Variants in COL23A1 observed in about 807,000 individuals in gnomAD.
The protein encoded by COL23A1 is collagen alpha-1(XXIII) chain.
In COL23A1, 97 loss-of-function variants were observed where a neutral mutation model predicts 99.3. The ratio of observed to expected loss-of-function variants is 0.98; its 90% CI spans 0.83 to 1.16. The LOEUF is 1.16. Among genes scored for constraint, COL23A1 ranks in the 50% most tolerant of loss-of-function variants. COL23A1 has a pLI of 0.00. For synonymous variants in COL23A1, 320 were observed against 308.2 expected, an observed-to-expected ratio of 1.04 and a Z score of -0.40; for missense variants, 762 against 757.4, an observed-to-expected ratio of 1.01 and a Z score of -0.07.
intron 2 of COL23A1, among the ~76,000 whole-genome samples, chr5:178,406,772 C>T (rs1174192457): frequency 2.0e-5 from 3 of 152,058 alleles, no homozygotes; most frequent in African/African-American, 2.4e-5. Flanking sequence ...TTGGGATTCA[C>T]GTGGAGAAAA....
At chr5:178,302,886 A>G (rs1424519792) in intron 3 of COL23A1, among the ~76,000 whole-genome samples, 5 of 152,254 alleles carry the variant, frequency 3.3e-5, no homozygotes, top group Non-Finnish European at 1.5e-5. Flanking sequence ...CTGCCAGACA[A>G]GTCAAATAGT....
intron 2 of COL23A1, among the ~76,000 whole-genome samples, chr5:178,354,001 T>C (rs544579841): frequency 6.6e-6 from 1 of 151,296 alleles, no homozygotes. Context: ...TGGATTTACA[T>C]ATGTGTTTGT....
At chr5:178,575,586 C>T (rs962383104) in intron 1 of COL23A1, among the ~76,000 whole-genome samples, 1 of 152,112 alleles carries the variant, frequency 6.6e-6, no homozygotes, top group African/African-American at 2.4e-5. Context: ...CATGGCTCAC[C>T]TAGACCACCT....
chr5:178,347,897 ACC>A (rs1554142415), intron 2 of COL23A1, among the ~76,000 whole-genome samples: 9 of 43,010 alleles, frequency 2.1e-4, no homozygotes, highest in African/African-American at 4.7e-4. Flanking sequence ...AAAAAAAAAA[ACC>A]CAAAAAAACA....
intron 2 of COL23A1, among the ~76,000 whole-genome samples, chr5:178,337,696 T>A (rs1214587838): frequency 6.6e-6 from 1 of 152,054 alleles, no homozygotes; most frequent in Admixed American, 6.6e-5. Context: ...GACTGCAGGC[T>A]TCCTCTGTCC....
intron 2 of COL23A1, among the ~76,000 whole-genome samples, chr5:178,558,203 T>A (rs1277595075): frequency 2.0e-5 from 3 of 151,988 alleles, no homozygotes; most frequent in Non-Finnish European, 4.4e-5. Context: ...CCACTCCTGA[T>A]GGAAGGCAGG....
At chr5:178,267,190 G>T in intron 8 of COL23A1, 117 bp downstream of exon 8, 1 of 1,143,328 alleles carries the variant, frequency 8.7e-7, no homozygotes, top group Non-Finnish European at 1.3e-6. Context: ...GAGCCCTCTT[G>T]GCCTCTTTCT....
chr5:178,424,561 C>T (rs866252564), intron 2 of COL23A1, among the ~76,000 whole-genome samples: 2 of 152,164 alleles, frequency 1.3e-5, no homozygotes, highest in Admixed American at 6.5e-5. Context: ...AGTGCTAGGG[C>T]CAGGACAAGA....
chr5:178,429,323 G>A (rs1195243187), intron 2 of COL23A1, among the ~76,000 whole-genome samples: 1 of 152,144 alleles, frequency 6.6e-6, no homozygotes, highest in Non-Finnish European at 1.5e-5. Context: ...CACGAGCGAA[G>A]GGCCCCTCCT....
chr5:178,247,938 C>G, intron 20 of COL23A1, 107 bp from the exon 21 acceptor site: 2 of 1,012,878 alleles, frequency 2.0e-6, no homozygotes, highest in Non-Finnish European at 1.5e-6. Context: ...TCCTGCCCCC[C>G]AGAGGGCAGA....
chr5:178,248,234 C>T lies in COL23A1; in HGVS notation c.1170G>A (p.Gly390=), dbSNP rs1764819427. 1.2e-6 allele frequency: 2 copies of T among 1,611,458 alleles called. No individual in the cohort carries two copies. Among genetic ancestry groups the T allele is most frequent in the Non-Finnish European group, 8.5e-7 (1 of 1,178,312 alleles). Residue 390 remains glycine, a synonymous_variant, in exon 20 of 29, where the codon GGG becomes GGA. Transcript: ENST00000390654. ...TGTCAGACGCCGACTCCCCCTTCTC[C>T]CCCTTGAGGCCGTCAGCGCCCTGCA... The part of the protein sequence containing the change: ...SGLPGADGLK[G]EKGESASDSL...
chr5:178,262,263 G>A lies in COL23A1; in HGVS notation c.640-11C>T. On this transcript the variant is annotated splice_polypyrimidine_tract_variant and intron_variant, in intron 9 of 28. Transcript: ENST00000390654. ...CTCTCCTTTGGGGCCCTGCGGAAGT[G>A]TGAGGGGACAGCAGTGAAGGATGCA... 6.3e-7 allele frequency: 1 copy of A among 1,578,892 alleles called. No homozygotes were observed. The highest frequency in any genetic ancestry group is 1.2e-5 in the South Asian group (1 of 86,014).
At chr5:178,358,175 G>C (rs1761863853) in intron 2 of COL23A1, among the ~76,000 whole-genome samples, 1 of 149,160 alleles carries the variant, frequency 6.7e-6, no homozygotes, top group African/African-American at 2.5e-5. Flanking sequence ...TAATGTGTAT[G>C]TGTATGTATG....
At position 178,434,752 on chromosome 5, in the gene COL23A1, G is replaced by A. The variant is rs1766460557; in HGVS notation, c.361+125930C>T. ...TCCACTTCACCGCTGAGGAAACTGA[G>A]GCCTGGGATGGTGGAGGGCTGTGGG... On this transcript the variant is annotated intron_variant, in intron 2 of 28. Coordinates refer to ENST00000390654, the MANE Select transcript of COL23A1 (RefSeq NM_173465.4). The surrounding 1 kb of genome is among the most constrained non-coding windows in gnomAD (Gnocchi z 4.3). 6.6e-6 allele frequency among the ~76,000 whole-genome samples: 1 copy of A among 152,238 alleles called. No homozygotes were observed. Among genetic ancestry groups the A allele is most frequent in the African/African-American group, 2.4e-5 (1 of 41,458 alleles).
At chr5:178,350,907 C>T (rs1761285792) in intron 2 of COL23A1, 1 of 152,294 alleles carries the variant, frequency 6.6e-6, no homozygotes, top group Admixed American at 6.5e-5. Flanking sequence ...AATGGCCTGA[C>T]AGCAGCTATC....
intron 2 of COL23A1, among the ~76,000 whole-genome samples, chr5:178,324,329 T>C (rs1222329830): frequency 6.6e-6 from 1 of 152,210 alleles, no homozygotes; most frequent in Admixed American, 6.5e-5. Context: ...TATTATTTTC[T>C]CTTTTACGAA....
intron 2 of COL23A1, among the ~76,000 whole-genome samples, chr5:178,332,877 C>T (rs375700467): frequency 7.3e-5 from 11 of 151,606 alleles, no homozygotes; most frequent in African/African-American, 2.4e-4. Context: ...CAGATCTTTC[C>T]ATTTTTCAAG....
intron 2 of COL23A1, among the ~76,000 whole-genome samples, chr5:178,357,032 G>T (rs1225301403): frequency 6.6e-6 from 1 of 152,262 alleles, no homozygotes; most frequent in Non-Finnish European, 1.5e-5. Flanking sequence ...CGAGTCAAAT[G>T]CAAGTATTGT....
intron 2 of COL23A1, among the ~76,000 whole-genome samples, chr5:178,456,053 C>T (rs1767773255): frequency 1.3e-5 from 2 of 152,200 alleles, no homozygotes; most frequent in Non-Finnish European, 2.9e-5. Flanking sequence ...TTTGAAAAGA[C>T]TCTCATATAC....
Sources: allele counts gnomAD v4.1 joint callset (sites outside exome capture counted in the v4.1 genomes callset), GRCh38; gene constraint gnomAD v4.1.1; non-coding constraint Gnocchi (gnomAD v3.1); transcripts MANE v1.5; gene names NCBI Gene and HGNC (gene_info 2026-07-23, HGNC 2026-07-21).